Variants in COL24A1 observed in about 807,000 individuals in gnomAD.
COL24A1 encodes collagen alpha-1(XXIV) chain.
COL24A1 carries 224 observed loss-of-function variants against 253.9 expected under a neutral mutation model. The ratio of observed to expected loss-of-function variants is 0.88; its 90% CI spans 0.79 to 0.99. The LOEUF is 0.99. Among genes scored for constraint, COL24A1 ranks in the 50% least tolerant of loss-of-function variants. The pLI is 0.00. For missense variants in COL24A1, 2,131 were observed against 2,068.5 expected, an observed-to-expected ratio of 1.03 and a Z score of -0.59; for synonymous variants, 685 against 673.7, an observed-to-expected ratio of 1.02 and a Z score of -0.26.
intron 24 of COL24A1, among the ~76,000 whole-genome samples, chr1:85,946,402 C>G (rs748476163): frequency 9.9e-5 from 15 of 152,044 alleles, no homozygotes; most frequent in Non-Finnish European, 2.1e-4. Flanking sequence ...CATTCATATG[C>G]TGAGTCATGT....
At chr1:86,072,794 C>A (rs1701967108) in intron 7 of COL24A1, among the ~76,000 whole-genome samples, 1 of 152,192 alleles carries the variant, frequency 6.6e-6, no homozygotes, top group Non-Finnish European at 1.5e-5. Context: ...AAGGAGCAGG[C>A]AGCAATCTTT....
intron 7 of COL24A1, among the ~76,000 whole-genome samples, chr1:86,065,887 A>G (rs1450825111): frequency 6.6e-6 from 1 of 152,202 alleles, no homozygotes; most frequent in East Asian, 1.9e-4. Flanking sequence ...AGGGAGCTGG[A>G]AAGATTCACA....
chr1:85,952,630 T>C (rs943065534), intron 24 of COL24A1, among the ~76,000 whole-genome samples: 1 of 152,222 alleles, frequency 6.6e-6, no homozygotes, highest in African/African-American at 2.4e-5. Flanking sequence ...AAGGGCAAAC[T>C]ACAGCCCGTA....
At chr1:85,821,102 GAACA>G (rs1673582165) in intron 45 of COL24A1, among the ~76,000 whole-genome samples, 1 of 152,048 alleles carries the variant, frequency 6.6e-6, no homozygotes, top group Non-Finnish European at 1.5e-5. Context: ...TGTTTTGGGA[GAACA>G]AATATTTTGG....
At chr1:86,135,890 C>A (rs987665691) in intron 2 of COL24A1, among the ~76,000 whole-genome samples, 5 of 152,142 alleles carry the variant, frequency 3.3e-5, no homozygotes, top group African/African-American at 9.6e-5. Flanking sequence ...TGTGCCAACT[C>A]CTTTTGCTCA....
intron 7 of COL24A1, among the ~76,000 whole-genome samples, chr1:86,088,320 G>T (rs941026576): frequency 1.3e-5 from 2 of 152,082 alleles, no homozygotes; most frequent in African/African-American, 4.8e-5. Context: ...GGAACACTAA[G>T]ACAACAACAC....
intron 57 of COL24A1, among the ~76,000 whole-genome samples, chr1:85,743,428 G>A (rs2100917220): frequency 6.6e-6 from 1 of 152,196 alleles, no homozygotes; most frequent in East Asian, 1.9e-4. Context: ...TCTCATAGAT[G>A]CCTTATCTGA....
chr1:85,970,130 C>T, intron 22 of COL24A1, 97 bp downstream of exon 22: 34 of 1,122,966 alleles, frequency 3.0e-5, no homozygotes, highest in East Asian at 2.1e-4. Flanking sequence ...CATTTTTGTC[C>T]TTTACTATAA....
At chr1:85,835,471 A>G (rs1275792785) in intron 43 of COL24A1, among the ~76,000 whole-genome samples, 1 of 152,190 alleles carries the variant, frequency 6.6e-6, no homozygotes, top group Non-Finnish European at 1.5e-5. Flanking sequence ...CATAACACAT[A>G]AAGTATGTCA....
chr1:85,891,284 T>C (rs1048567548), intron 31 of COL24A1, among the ~76,000 whole-genome samples: 1 of 150,716 alleles, frequency 6.6e-6, no homozygotes, highest in African/African-American at 2.4e-5. Context: ...CAGGATGGTA[T>C]CAATCTCCTG....
chr1:85,803,136 A>G (rs1460536749), intron 47 of COL24A1, among the ~76,000 whole-genome samples: 1 of 152,206 alleles, frequency 6.6e-6, no homozygotes, highest in Non-Finnish European at 1.5e-5. Context: ...TACTACCAAT[A>G]TATAAGATAA....
chr1:85,761,272 A>G, intron 55 of COL24A1, 124 bp downstream of exon 55: 1 of 1,025,352 alleles, frequency 9.8e-7, no homozygotes, highest in Admixed American at 2.4e-5. Context: ...GTATCAGGTT[A>G]GCAAAAAAGA....
intron 12 of COL24A1, among the ~76,000 whole-genome samples, chr1:86,042,438 G>C (rs1030398512): frequency 6.6e-6 from 1 of 151,832 alleles, no homozygotes; most frequent in Non-Finnish European, 1.5e-5. Flanking sequence ...TGGGAAAAAA[G>C]AATTTTCTGG....
chr1:85,785,692 T>C (rs1669611710), intron 48 of COL24A1, among the ~76,000 whole-genome samples: 1 of 152,218 alleles, frequency 6.6e-6, no homozygotes, highest in African/African-American at 2.4e-5. Context: ...GTCAGAAATC[T>C]GAAAATTCTT....
intron 1 of COL24A1, among the ~76,000 whole-genome samples, chr1:86,152,993 T>C (rs1298809285): frequency 6.6e-6 from 1 of 152,142 alleles, no homozygotes; most frequent in Admixed American, 6.5e-5. Context: ...CTGGTCTCTG[T>C]TTATCTCTCC....
chr1:86,045,787 GT>G, intron 12 of COL24A1: 1 of 397,950 alleles, frequency 2.5e-6, no homozygotes. Context: ...AGTTTGGTAA[GT>G]TTATCTTAAT....
At chr1:85,933,110 G>GAAAA (rs202030543) in intron 24 of COL24A1, among the ~76,000 whole-genome samples, 5,149 of 66,382 alleles carry the variant, frequency 0.078, 113 homozygotes, top group African/African-American at 0.13. Context: ...AAGAAAGAAA[G>GAAAA]AAAAAAAAAA....
chr1:85,755,598 C>T (rs1355020740), intron 55 of COL24A1, among the ~76,000 whole-genome samples: 1 of 151,988 alleles, frequency 6.6e-6, no homozygotes, highest in Non-Finnish European at 1.5e-5. Flanking sequence ...TTATTTTCAA[C>T]AAGAGTGCTA....
Position 85,951,440 on chromosome 1 carries a change from C to T in COL24A1, c.2562+9809G>A, listed in dbSNP as rs145459375. ...TTGGTGGACAATGAGGGTGGGAAAG[C>T]GAAGGTCTTTAGAGGTGACAGAAAC... On this transcript the variant is annotated intron_variant, in intron 24 of 59. Transcript: ENST00000370571. Among the ~76,000 whole-genome samples, 96 of 151,914 alleles carry T rather than the reference C, an allele frequency of 6.3e-4. 1 individual carries two copies. In the East Asian group the frequency reaches 0.018, roughly 28 times the overall value.
Sources: gnomAD v4.1 joint callset for allele counts (sites outside exome capture counted in the v4.1 genomes callset) on GRCh38, gnomAD v4.1.1 for gene constraint, MANE v1.5 for transcripts, NCBI Gene and HGNC (gene_info 2026-07-23, HGNC 2026-07-21) for gene names.